Variants in PITPNC1 observed in about 807,000 individuals in gnomAD.
The protein encoded by PITPNC1 is phosphatidylinositol transfer protein cytoplasmic 1.
Under a neutral mutation model 44.7 loss-of-function variants are expected in PITPNC1, and 18 were observed. The ratio of observed to expected loss-of-function variants is 0.40; its 90% CI spans 0.28 to 0.60. The LOEUF (loss-of-function observed/expected upper bound fraction) is 0.60. Ranked by LOEUF, PITPNC1 falls within the 20% of genes least tolerant of loss-of-function variation. The pLI, the probability that PITPNC1 is intolerant of heterozygous loss-of-function variation, is 0.39. For missense variants in PITPNC1, 290 were observed against 418.4 expected (o/e 0.69, Z 2.68); for synonymous variants, 141 against 149.6 (o/e 0.94, Z 0.42).
intron 1 of PITPNC1, among the ~76,000 whole-genome samples, chr17:67,500,764 G>A (rs2040016240): frequency 6.6e-6 from 1 of 151,634 alleles, no homozygotes; most frequent in South Asian, 2.1e-4. Flanking sequence ...GCTCACTGAA[G>A]CCTCAAACTC....
At chr17:67,392,379 ATTC>A (rs2038151017) in intron 1 of PITPNC1, among the ~76,000 whole-genome samples, 1 of 152,136 alleles carries the variant, frequency 6.6e-6, no homozygotes, top group South Asian at 2.1e-4. Flanking sequence ...GATTAACATT[ATTC>A]TTTTATAGTC....
Position 67,547,969 on chromosome 17 carries a change from G to A in PITPNC1, c.198-4288G>A, listed in dbSNP as rs190418984. ...TTTATTTGCTGTGGTGGTGGGGGGC[G>A]GCTATCCTGTGCATCATAGGAGGCT... On this transcript the variant is annotated intron_variant, in intron 2 of 8. Coordinates refer to ENST00000581322, the MANE Select transcript of PITPNC1 (RefSeq NM_012417.4). Among the ~76,000 whole-genome samples the A allele has an allele frequency of 3.7e-3, 557 of 152,274 alleles. 2 individuals are homozygous for A. The highest frequency in any genetic ancestry group is 0.01 in the Middle Eastern group (3 of 294).
chr17:67,523,107 C>T (rs1201916659), intron 1 of PITPNC1, among the ~76,000 whole-genome samples: 1 of 152,142 alleles, frequency 6.6e-6, no homozygotes, highest in Admixed American at 6.5e-5. Context: ...ACTCCATTAC[C>T]CACTCTTTCC....
chr17:67,497,970 C>A (rs962189369), intron 1 of PITPNC1, among the ~76,000 whole-genome samples: 3 of 151,854 alleles, frequency 2.0e-5, no homozygotes, highest in Admixed American at 1.3e-4. Context: ...AAGTGATCCT[C>A]CCACCTCAGC....
chr17:67,677,926 A>C (rs1042292407), intron 8 of PITPNC1, among the ~76,000 whole-genome samples: 1 of 152,004 alleles, frequency 6.6e-6, no homozygotes, highest in Non-Finnish European at 1.5e-5. Flanking sequence ...AAGAAAAAAA[A>C]AAACTGCCAG....
chr17:67,428,591 G>A (rs1168338303), intron 1 of PITPNC1, among the ~76,000 whole-genome samples: 1 of 150,922 alleles, frequency 6.6e-6, no homozygotes, highest in African/African-American at 2.4e-5. Flanking sequence ...AATACAAATA[G>A]TGACCTGCGG....
chr17:67,672,885 T>G (rs148313803), intron 7 of PITPNC1, among the ~76,000 whole-genome samples: 70 of 152,264 alleles, frequency 4.6e-4, no homozygotes, highest in African/African-American at 1.7e-3. Context: ...CACCTTTGTT[T>G]TTTTAAGAAT....
intron 1 of PITPNC1, among the ~76,000 whole-genome samples, chr17:67,468,383 A>G (rs2039457886): frequency 6.7e-6 from 1 of 149,296 alleles, no homozygotes; most frequent in Non-Finnish European, 1.5e-5. Flanking sequence ...ACAGGAATGA[A>G]CAGGTGGCTT....
At chr17:67,425,063 A>G (rs1355606033) in intron 1 of PITPNC1, among the ~76,000 whole-genome samples, 1 of 151,932 alleles carries the variant, frequency 6.6e-6, no homozygotes, top group East Asian at 1.9e-4. Flanking sequence ...TGCCTGCAAA[A>G]CATTCCTCCA....
intron 1 of PITPNC1, among the ~76,000 whole-genome samples, chr17:67,394,776 C>G (rs887697326): frequency 6.6e-6 from 1 of 152,054 alleles, no homozygotes; most frequent in Non-Finnish European, 1.5e-5. Flanking sequence ...CGCCTGTAGT[C>G]CCAGCTACTT....
At chr17:67,563,361 C>T (rs2040930746) in intron 4 of PITPNC1, among the ~76,000 whole-genome samples, 1 of 152,150 alleles carries the variant, frequency 6.6e-6, no homozygotes, top group Non-Finnish European at 1.5e-5. Flanking sequence ...CATTGAATTC[C>T]AGATAAAAGC....
chr17:67,586,848 A>C (rs2041324810), intron 5 of PITPNC1, among the ~76,000 whole-genome samples: 1 of 152,226 alleles, frequency 6.6e-6, no homozygotes, highest in Non-Finnish European at 1.5e-5. Flanking sequence ...AGTGAAAGGC[A>C]AGACTGGAAG....
intron 3 of PITPNC1, 91 bp from the exon 4 acceptor site, chr17:67,553,519 T>C: frequency 1.8e-6 from 1 of 552,504 alleles, no homozygotes; most frequent in Admixed American, 3.8e-5. Flanking sequence ...TTGTTAGTTC[T>C]GTGGTTTTTA....
At chr17:67,652,793 C>T (rs577932210) in intron 6 of PITPNC1, among the ~76,000 whole-genome samples, 3 of 152,270 alleles carry the variant, frequency 2.0e-5, no homozygotes, top group South Asian at 2.1e-4. Context: ...AGAGTGACCG[C>T]GGAACCTAGA....
chr17:67,586,912 G>A (rs1278337170), intron 5 of PITPNC1, among the ~76,000 whole-genome samples: 1 of 152,190 alleles, frequency 6.6e-6, no homozygotes, highest in African/African-American at 2.4e-5. Flanking sequence ...ATGGTGGTTT[G>A]AGCTGGAAAG....
Position 67,432,566 on chromosome 17 carries a change from AAAAT to A in PITPNC1, c.48+54376_48+54379del, listed in dbSNP as rs1032514988. 6.6e-5 allele frequency among the ~76,000 whole-genome samples: 10 copies of A among 152,220 alleles called. No homozygotes were observed. The East Asian group carries it at 7.7e-4, about 12-fold the overall frequency. On this transcript the variant is annotated intron_variant, in intron 1 of 8. Coordinates refer to ENST00000581322, the MANE Select transcript of PITPNC1 (RefSeq NM_012417.4). Reference sequence around the variant, plus strand: ...TAAAACTAATGATAACTGATGAGCTAAAATAAATAAATAAAGGTCCGTGTATAAT... The same window carrying A: ...TAAAACTAATGATAACTGATGAGCTAAAATAAATAAAGGTCCGTGTATAAT...
intron 1 of PITPNC1, among the ~76,000 whole-genome samples, chr17:67,383,624 C>T (rs2037997114): frequency 6.6e-6 from 1 of 152,246 alleles, no homozygotes; most frequent in African/African-American, 2.4e-5. Flanking sequence ...GATCACCCTG[C>T]ACCTGCCACC....
At chr17:67,528,832 ACT>A (rs2040423960) in intron 1 of PITPNC1, among the ~76,000 whole-genome samples, 1 of 151,736 alleles carries the variant, frequency 6.6e-6, no homozygotes, top group Admixed American at 6.6e-5. Context: ...TGGTTCAAGG[ACT>A]CTCTGTCTCT....
At chr17:67,406,454 T>G (rs753048285) in intron 1 of PITPNC1, among the ~76,000 whole-genome samples, 8 of 152,206 alleles carry the variant, frequency 5.3e-5, no homozygotes, top group Non-Finnish European at 7.3e-5. Flanking sequence ...TTCATGTAAA[T>G]GGAATCACAC....
Sources: gnomAD v4.1 joint callset for allele counts (sites outside exome capture counted in the v4.1 genomes callset) on GRCh38, gnomAD v4.1.1 for gene constraint, MANE v1.5 for transcripts, NCBI Gene and HGNC (gene_info 2026-07-23, HGNC 2026-07-21) for gene names.